Variants in WWOX observed in about 807,000 individuals in gnomAD.
WWOX encodes WW domain-containing oxidoreductase.
A neutral mutation model predicts 46.2 loss-of-function variants in WWOX; 69 were observed. That is an observed-to-expected ratio of 1.49 (90% CI 1.23 to 1.82). The LOEUF is 1.82. Among genes scored for constraint, WWOX ranks in the 40% most tolerant of loss-of-function variants. The probability of loss-of-function intolerance (pLI) is 0.00; values close to 1 mark genes in which losing one functional copy is unlikely to be tolerated. For synonymous variants in WWOX, 359 were observed against 202.6 expected, an observed-to-expected ratio of 1.77 and a Z score of -6.56; for missense variants, 919 against 542.6, an observed-to-expected ratio of 1.69 and a Z score of -6.89.
chr16:79,138,490 T>A (rs796544319), intron 8 of WWOX, among the ~76,000 whole-genome samples: 4 of 152,310 alleles, frequency 2.6e-5, no homozygotes, highest in African/African-American at 9.6e-5. Context: ...AACAACTGCC[T>A]CACTCCTGTG....
intron 8 of WWOX, among the ~76,000 whole-genome samples, chr16:78,488,318 G>C (rs59572057): frequency 0.051 from 7,785 of 152,106 alleles, 479 homozygotes; most frequent in African/African-American, 0.15. Flanking sequence ...CAGTGAAATA[G>C]GCTCAGTGTA....
chr16:78,805,910 A>G (rs1347513232), intron 8 of WWOX, among the ~76,000 whole-genome samples: 1 of 152,100 alleles, frequency 6.6e-6, no homozygotes, highest in Non-Finnish European at 1.5e-5. Flanking sequence ...TGCCAGGAAC[A>G]TTTTTCTCAT....
intron 8 of WWOX, among the ~76,000 whole-genome samples, chr16:78,598,913 C>T (rs1164096572): frequency 6.6e-6 from 1 of 152,176 alleles, no homozygotes; most frequent in Non-Finnish European, 1.5e-5. Flanking sequence ...ATAGCTCACT[C>T]AGATTCCCGC....
chr16:78,206,608 T>C (rs2036403948), intron 5 of WWOX, among the ~76,000 whole-genome samples: 1 of 152,212 alleles, frequency 6.6e-6, no homozygotes, highest in African/African-American at 2.4e-5. Flanking sequence ...TATTCTATTT[T>C]TAATTCTGGT....
intron 8 of WWOX, among the ~76,000 whole-genome samples, chr16:78,893,907 A>G (rs943234258): frequency 3.3e-5 from 5 of 152,144 alleles, no homozygotes; most frequent in Non-Finnish European, 5.9e-5. Flanking sequence ...TTGAGTTGAT[A>G]TGCAATATTT....
intron 8 of WWOX, among the ~76,000 whole-genome samples, chr16:78,681,381 G>T (rs138847975): frequency 2.8e-3 from 421 of 152,250 alleles, no homozygotes; most frequent in African/African-American, 9.5e-3. Context: ...ATCAGTCTGG[G>T]TGACAGAGCG....
intron 5 of WWOX, among the ~76,000 whole-genome samples, chr16:78,331,239 G>C (rs1262436157): frequency 6.6e-6 from 1 of 152,032 alleles, no homozygotes; most frequent in Admixed American, 6.5e-5. Context: ...TCATGCTTGC[G>C]TTTCTTGCAT....
intron 8 of WWOX, among the ~76,000 whole-genome samples, chr16:78,609,117 A>G (rs893224742): frequency 6.6e-6 from 1 of 152,198 alleles, no homozygotes; most frequent in African/African-American, 2.4e-5. Flanking sequence ...TTAAAGACAA[A>G]CATTACAGAG....
intron 8 of WWOX, among the ~76,000 whole-genome samples, chr16:78,560,513 G>T (rs2044410577): frequency 6.6e-6 from 1 of 152,080 alleles, no homozygotes; most frequent in Admixed American, 6.5e-5. Context: ...GTGTGGCGGT[G>T]CATGCCTGTA....
chr16:78,422,550 T>C (rs927731213), intron 6 of WWOX, among the ~76,000 whole-genome samples: 1 of 149,722 alleles, frequency 6.7e-6, no homozygotes, highest in Non-Finnish European at 1.5e-5. Flanking sequence ...TCTTGCTGTG[T>C]TGCTCAGGCT....
chr16:78,732,313 T>C (rs1018959191), intron 8 of WWOX, among the ~76,000 whole-genome samples: 2 of 152,116 alleles, frequency 1.3e-5, no homozygotes, highest in Admixed American at 6.6e-5. Context: ...CCCTCAAAAT[T>C]TGGCCACCAT....
chr16:79,145,293 A>C (rs140756245), intron 8 of WWOX, among the ~76,000 whole-genome samples: 29 of 152,304 alleles, frequency 1.9e-4, no homozygotes, highest in African/African-American at 7.0e-4. Context: ...AAGCCAACCA[A>C]CCAACGAAAC....
Position 78,995,609 on chromosome 16 carries a change from T to G in WWOX, c.1057-215999T>G, listed in dbSNP as rs549676985. Reference sequence around the variant, plus strand: ...AAAGAAAGAGAGAAAGAGAAAAAACTGCAAAACCGCAAACTGGCTTGTTCT... The same window carrying G: ...AAAGAAAGAGAGAAAGAGAAAAAACGGCAAAACCGCAAACTGGCTTGTTCT... On this transcript the variant is annotated intron_variant, in intron 8 of 8. Transcript: ENST00000566780. Among the ~76,000 whole-genome samples the G allele has an allele frequency of 2.0e-5, 3 of 152,084 alleles. 1 individual carries two copies. The highest frequency in any genetic ancestry group is 7.2e-5 in the African/African-American group (3 of 41,500).
intron 8 of WWOX, among the ~76,000 whole-genome samples, chr16:78,440,111 A>G (rs1056531922): frequency 3.9e-5 from 6 of 152,172 alleles, no homozygotes; most frequent in African/African-American, 1.4e-4. Context: ...ATTTTGAGGA[A>G]AAAGGATAGG....
chr16:78,746,109 G>C (rs1008333399), intron 8 of WWOX, among the ~76,000 whole-genome samples: 1 of 152,196 alleles, frequency 6.6e-6, no homozygotes, highest in African/African-American at 2.4e-5. Context: ...ACCAGCATGT[G>C]ATTTGTCCAA....
chr16:78,193,943 T>TTCAA (rs2035965603), intron 5 of WWOX, among the ~76,000 whole-genome samples: 3 of 151,778 alleles, frequency 2.0e-5, no homozygotes, highest in African/African-American at 7.3e-5. Context: ...AGTGGCGTGA[T>TTCAA]CTCGGCTCAC....
intron 8 of WWOX, among the ~76,000 whole-genome samples, chr16:78,539,566 C>G (rs937341177): frequency 6.6e-6 from 1 of 152,180 alleles, no homozygotes; most frequent in African/African-American, 2.4e-5. Flanking sequence ...ACATATATTT[C>G]ATTGTAGAGT....
At chr16:78,188,083 T>C (rs2035765562) in intron 5 of WWOX, among the ~76,000 whole-genome samples, 1 of 152,254 alleles carries the variant, frequency 6.6e-6, no homozygotes, top group African/African-American at 2.4e-5. Context: ...GTACTTGCTA[T>C]AGTTTTCTAA....
At chr16:78,383,390 A>G (rs1216193860) in intron 5 of WWOX, among the ~76,000 whole-genome samples, 4 of 152,158 alleles carry the variant, frequency 2.6e-5, no homozygotes, top group Non-Finnish European at 4.4e-5. Flanking sequence ...AATTAGTTTC[A>G]AATAAAAGTT....
Sources: gnomAD v4.1 joint callset for allele counts (sites outside exome capture counted in the v4.1 genomes callset) on GRCh38, gnomAD v4.1.1 for gene constraint, MANE v1.5 for transcripts, NCBI Gene and HGNC (gene_info 2026-07-23, HGNC 2026-07-21) for gene names.